Variants in DPP6 observed in about 807,000 individuals in gnomAD.
DPP6 encodes dipeptidyl peptidase like 6, also known as A-type potassium channel modulatory protein DPP6.
A neutral mutation model predicts 122.6 loss-of-function variants in DPP6; 69 were observed. The ratio of observed to expected loss-of-function variants is 0.56; its 90% CI spans 0.46 to 0.69. DPP6 has a LOEUF of 0.69. Ranked by LOEUF, DPP6 falls within the 30% of genes least tolerant of loss-of-function variation. The pLI, the probability that DPP6 is intolerant of heterozygous loss-of-function variation, is 0.00. For synonymous variants in DPP6, 418 were observed against 433.1 expected (o/e 0.97, Z 0.43); for missense variants, 928 against 1,116.9 (o/e 0.83, Z 2.41).
intron 3 of DPP6, among the ~76,000 whole-genome samples, chr7:154,535,732 C>A (rs1828199869): frequency 2.0e-5 from 3 of 151,184 alleles, no homozygotes; most frequent in Admixed American, 2.0e-4. Context: ...AGATAGTTTG[C>A]AAAAAACCTG....
intron 7 of DPP6, among the ~76,000 whole-genome samples, chr7:154,693,418 A>G (rs1160911510): frequency 6.6e-6 from 1 of 152,146 alleles, no homozygotes; most frequent in Non-Finnish European, 1.5e-5. Flanking sequence ...TAACATTTTC[A>G]TTTTGCTCAC....
intron 12 of DPP6, among the ~76,000 whole-genome samples, chr7:154,798,525 A>G (rs1798172275): frequency 6.6e-6 from 1 of 152,256 alleles, no homozygotes; most frequent in African/African-American, 2.4e-5. Flanking sequence ...TAGCTGCTTA[A>G]ACGTATGCAA....
intron 16 of DPP6, among the ~76,000 whole-genome samples, chr7:154,808,212 T>TCTTTGCTAGC (rs1306009727): frequency 2.0e-5 from 3 of 152,204 alleles, no homozygotes; most frequent in Non-Finnish European, 4.4e-5. Context: ...CAGAGCAATG[T>TCTTTGCTAGC]CTTTGCTAGC....
intron 1 of DPP6, among the ~76,000 whole-genome samples, chr7:154,273,396 C>T (rs1803921523): frequency 6.6e-6 from 1 of 152,158 alleles, no homozygotes; most frequent in Non-Finnish European, 1.5e-5. Context: ...AGCCAGCTCC[C>T]CTAGCAAGGT....
chr7:154,286,524 C>T (rs1804861348), intron 1 of DPP6, among the ~76,000 whole-genome samples: 2 of 152,176 alleles, frequency 1.3e-5, no homozygotes, highest in Non-Finnish European at 2.9e-5. Flanking sequence ...GTTCATTGCA[C>T]ATTCCCCTGT....
At chr7:154,880,862 C>T (rs755719224) in intron 20 of DPP6, 26 bp from the exon 21 acceptor site, 1 of 1,613,808 alleles carries the variant, frequency 6.2e-7, no homozygotes, top group Admixed American at 1.7e-5. Context: ...TGCACTGAAC[C>T]CTCTTTCCCC....
At chr7:154,154,249 G>A (rs200194094) in intron 1 of DPP6, among the ~76,000 whole-genome samples, 11 of 152,322 alleles carry the variant, frequency 7.2e-5, no homozygotes, top group African/African-American at 2.2e-4. Context: ...CACTGAAATC[G>A]TTTTGAACTG....
At chr7:153,873,743 A>C in the DPP6 span, among the ~76,000 whole-genome samples, 1 of 152,226 alleles carries the variant, frequency 6.6e-6, no homozygotes. Flanking sequence ...CAAATCCGCT[A>C]TCAGGAACAT....
chr7:153,915,988 A>G (rs1044546942), intron 1 of DPP6, among the ~76,000 whole-genome samples: 1 of 150,730 alleles, frequency 6.6e-6, no homozygotes, highest in Non-Finnish European at 1.5e-5. Flanking sequence ...TATTTTCGAG[A>G]CAGAGTCTCG....
At position 153,952,008 on chromosome 7, in the gene DPP6, A is replaced by G. The variant is rs370359631; in HGVS notation, c.51+64274A>G. 2.6e-5 allele frequency among the ~76,000 whole-genome samples: 4 copies of G among 152,310 alleles called. No homozygotes were observed. In the East Asian group the frequency reaches 7.7e-4, roughly 29 times the overall value. On this transcript the variant is annotated intron_variant, in intron 1 of 25. Transcript: ENST00000404039. ...CAGTGAGCCGAGATCGTGCCACTGC[A>G]CTCCAGCCTCGGTGACAGAGCTAGA...
intron 17 of DPP6, among the ~76,000 whole-genome samples, chr7:154,862,065 G>A (rs764213699): frequency 6.6e-5 from 10 of 152,220 alleles, no homozygotes; most frequent in Admixed American, 2.0e-4. Flanking sequence ...ATGACAAGCC[G>A]ACCATGTTAC....
In DPP6 at chr7:154,872,633, T is replaced by G; in HGVS notation, c.1823T>G (p.Met608Arg). 3 of 1,601,368 alleles carry G rather than the reference T, an allele frequency of 1.9e-6. No homozygotes were observed. Among genetic ancestry groups the G allele is most frequent in the Non-Finnish European group, 2.6e-6 (3 of 1,174,224 alleles). ...CTCTGCTTCTCCCCAGACCTGCCCA[T>G]GCAGATACTGAAGCCAGCAACCTTC... The part of the protein sequence containing the change: ...DIEIDDYNLP[M>R]QILKPATFTD... Residue 608 changes from methionine to arginine, a missense_variant, in exon 19 of 26, where the codon ATG becomes AGG. Physicochemically the swap from Met to Arg is moderately conservative, Grantham distance 91. Coordinates refer to ENST00000377770, the MANE Select transcript of DPP6 (RefSeq NM_130797.4).
intron 1 of DPP6, among the ~76,000 whole-genome samples, chr7:154,332,866 G>A (rs1366929668): frequency 6.6e-6 from 1 of 152,148 alleles, no homozygotes; most frequent in African/African-American, 2.4e-5. Context: ...CAGTATCCCT[G>A]CAGTACTTTG....
At chr7:154,206,715 G>A (rs6971478) in intron 1 of DPP6, among the ~76,000 whole-genome samples, 7,397 of 152,270 alleles carry the variant, frequency 0.049, 315 homozygotes, top group African/African-American at 0.12. Context: ...CATGTGATAC[G>A]GGGTTTTACT....
chr7:154,735,570 C>G (rs1842534640), intron 8 of DPP6, among the ~76,000 whole-genome samples: 1 of 152,134 alleles, frequency 6.6e-6, no homozygotes, highest in South Asian at 2.1e-4. Flanking sequence ...GAGTATTTTC[C>G]TTGTCTAGTC....
At chr7:154,047,831 G>A (rs1161349946), upstream of DPP6, among the ~76,000 whole-genome samples, 1 of 150,484 alleles carries the variant, frequency 6.6e-6, no homozygotes, top group African/African-American at 2.5e-5. Flanking sequence ...AAGGTAGTTA[G>A]AAAGTGGGAG....
At chr7:154,168,077 C>G (rs913051029) in intron 1 of DPP6, among the ~76,000 whole-genome samples, 1 of 152,246 alleles carries the variant, frequency 6.6e-6, no homozygotes, top group African/African-American at 2.4e-5. Context: ...AGATGGGTGG[C>G]TGAAGATAAC....
chr7:154,324,410 C>G (rs1808241961), intron 1 of DPP6, among the ~76,000 whole-genome samples: 1 of 152,188 alleles, frequency 6.6e-6, no homozygotes, highest in Non-Finnish European at 1.5e-5. Context: ...GGATGGGTCT[C>G]CACTGGCCTC....
At chr7:153,802,890 G>A in the DPP6 span, among the ~76,000 whole-genome samples, 1 of 152,152 alleles carries the variant, frequency 6.6e-6, no homozygotes, top group African/African-American at 2.4e-5. Flanking sequence ...GTCTTGTCCA[G>A]CTGAAACACC....
Sources: gnomAD v4.1 joint callset for allele counts (sites outside exome capture counted in the v4.1 genomes callset) on GRCh38, gnomAD v4.1.1 for gene constraint, MANE v1.5 for transcripts, NCBI Gene and HGNC (gene_info 2026-07-23, HGNC 2026-07-21) for gene names.